Variants in RAD18 observed in about 807,000 individuals in gnomAD.
RAD18 encodes the protein RAD18 E3 ubiquitin protein ligase, also known as E3 ubiquitin-protein ligase RAD18.
In RAD18, 47 loss-of-function variants were observed where a neutral mutation model predicts 60.4. The observed-to-expected ratio is 0.78, with a 90% CI of 0.62 to 0.99. The LOEUF (loss-of-function observed/expected upper bound fraction) is 0.99. RAD18 is among the 50% of genes least tolerant of loss of function. RAD18 has a pLI of 0.00. For synonymous variants in RAD18, 225 were observed against 195.5 expected, an observed-to-expected ratio of 1.15 and a Z score of -1.26; for missense variants, 640 against 593.3, an observed-to-expected ratio of 1.08 and a Z score of -0.82.
At chr3:8,894,225 A>C (rs1464703734) in intron 11 of RAD18, among the ~76,000 whole-genome samples, 1 of 152,234 alleles carries the variant, frequency 6.6e-6, no homozygotes, top group Admixed American at 6.5e-5. Flanking sequence ...TCGCACAAAC[A>C]TCAACACAGT....
intron 11 of RAD18, among the ~76,000 whole-genome samples, chr3:8,891,369 C>T (rs1226540378): frequency 1.3e-5 from 2 of 152,010 alleles, no homozygotes; most frequent in African/African-American, 4.8e-5. Context: ...CTCTACTATT[C>T]TAGCTAAGAA....
intron 4 of RAD18, among the ~76,000 whole-genome samples, chr3:8,942,868 G>C (rs1291862980): frequency 1.3e-5 from 2 of 152,156 alleles, no homozygotes; most frequent in African/African-American, 4.8e-5. Flanking sequence ...CTAGGAAGCT[G>C]ATACTGGTAA....
At chr3:8,905,482 G>A (rs1437069788) in intron 9 of RAD18, among the ~76,000 whole-genome samples, 1 of 152,166 alleles carries the variant, frequency 6.6e-6, no homozygotes, top group Non-Finnish European at 1.5e-5. Context: ...CTTCTACAGT[G>A]ATGCCACTGA....
chr3:8,946,850 A>G (rs145618692), intron 4 of RAD18: 61 of 176,250 alleles, frequency 3.5e-4, no homozygotes, highest in African/African-American at 1.4e-3. Flanking sequence ...CCCAGTAGCA[A>G]CAAGCATACC....
At chr3:8,905,879 A>C (rs1157010437) in intron 9 of RAD18, among the ~76,000 whole-genome samples, 1 of 152,224 alleles carries the variant, frequency 6.6e-6, no homozygotes, top group Non-Finnish European at 1.5e-5. Context: ...AAAATATAGA[A>C]TCATTCTAAC....
At position 8,907,404 on chromosome 3, in the gene RAD18, C is replaced by T. The variant is rs372082728; in HGVS notation, c.1028-4884G>A. ...CAGATATGACCCACATAAACAAAGG[C>T]TCTTTGGTGTCCTTGAGATACAGAA... is the stretch of plus-strand genomic sequence containing the variant. On this transcript the variant is annotated intron_variant, in intron 9 of 12. Transcript: ENST00000264926. Among the ~76,000 whole-genome samples, 26 of 152,268 alleles carry T rather than the reference C, an allele frequency of 1.7e-4. No individual in the cohort carries two copies. In the East Asian group the frequency reaches 3.3e-3, roughly 19 times the overall value.
intron 10 of RAD18, among the ~76,000 whole-genome samples, chr3:8,899,404 C>T (rs1939859873): frequency 6.6e-6 from 1 of 151,790 alleles, no homozygotes; most frequent in South Asian, 2.1e-4. Flanking sequence ...GAAGTATAAC[C>T]AAAAAAAGAC....
intron 11 of RAD18, among the ~76,000 whole-genome samples, chr3:8,892,224 T>C (rs1178213309): frequency 6.6e-6 from 1 of 152,166 alleles, no homozygotes; most frequent in African/African-American, 2.4e-5. Context: ...CTTTTTCAGC[T>C]TGTCTACTAT....
chr3:8,888,047 T>C (rs978361920), intron 12 of RAD18, among the ~76,000 whole-genome samples: 5 of 152,310 alleles, frequency 3.3e-5, no homozygotes, highest in East Asian at 1.9e-4. Context: ...ACTGAAATTA[T>C]TCAAACTAGC....
chr3:8,880,867 G>A lies in RAD18; in HGVS notation c.*490C>T, dbSNP rs1020865932. The A allele has an allele frequency of 6.5e-6, 1 of 153,360 alleles. No homozygotes were observed. Among genetic ancestry groups the A allele is most frequent in the African/African-American group, 2.4e-5 (1 of 41,446 alleles). The allele number at this position is 153,360 out of a possible 1,614,324, so 9.5% of individuals were successfully genotyped here. On this transcript the variant is annotated 3_prime_UTR_variant, in exon 13 of 13. Coordinates refer to ENST00000264926, the MANE Select transcript of RAD18 (RefSeq NM_020165.4). ...CTGCTGTAACACAGGCATGGTGGTG[G>A]CGTGCATCGGTACTTACACACACCA...
intron 2 of RAD18, among the ~76,000 whole-genome samples, chr3:8,955,962 T>G (rs1313704378): frequency 6.6e-6 from 1 of 152,174 alleles, no homozygotes; most frequent in Non-Finnish European, 1.5e-5. Context: ...TATACATACT[T>G]ACCTATGATA....
At position 8,877,591 on chromosome 3, in the gene RAD18, C is replaced by T. The variant is rs1339121394; in HGVS notation, c.*3766G>A. ...TATGGCAAGAGTTTATAGGCAAAAACAAAATCCGTCCATTGCATGTTTGAT... is the reference window on the plus strand; with the variant it reads ...TATGGCAAGAGTTTATAGGCAAAAATAAAATCCGTCCATTGCATGTTTGAT... On this transcript the variant is annotated 3_prime_UTR_variant, in exon 13 of 13. Transcript: ENST00000264926. 6.6e-6 allele frequency: 1 copy of T among 152,200 alleles called. No individual in the cohort carries two copies. Among genetic ancestry groups the T allele is most frequent in the African/African-American group, 2.4e-5 (1 of 41,460 alleles). 9.4% of individuals were successfully genotyped at this position (152,200 alleles called of 1,614,324 possible). A position where few individuals can be genotyped will look rare whatever the true frequency, so the allele number is the denominator to read the frequency against.
intron 7 of RAD18, among the ~76,000 whole-genome samples, chr3:8,920,385 C>G (rs748048088): frequency 2.0e-5 from 3 of 151,854 alleles, no homozygotes; most frequent in Non-Finnish European, 2.9e-5. Context: ...GAAACCAATG[C>G]TAAAGTTGAA....
intron 12 of RAD18, among the ~76,000 whole-genome samples, chr3:8,887,174 A>T (rs150012843): frequency 3.9e-5 from 6 of 152,190 alleles, no homozygotes; most frequent in Admixed American, 3.9e-4. Context: ...TCCTAAATCT[A>T]CTGAATCAGA....
intron 2 of RAD18, among the ~76,000 whole-genome samples, chr3:8,955,409 TA>T (rs909160726): frequency 3.4e-4 from 51 of 151,848 alleles, no homozygotes; most frequent in Non-Finnish European, 4.3e-4. Context: ...CTGCTAAGAA[TA>T]AAAAAAAGCT....
chr3:8,948,484 T>C (rs777214648), intron 3 of RAD18, 25 bp downstream of exon 3: 64 of 1,592,240 alleles, frequency 4.0e-5, no homozygotes, highest in Non-Finnish European at 5.3e-5. Flanking sequence ...TCAGTAAGTT[T>C]TAAAAAAAGG....
chr3:8,892,191 G>A (rs1040139769), intron 11 of RAD18, among the ~76,000 whole-genome samples: 3 of 152,170 alleles, frequency 2.0e-5, no homozygotes, highest in African/African-American at 4.8e-5. Flanking sequence ...CACAACTGCA[G>A]CTTTAAAGTC....
Position 8,930,186 on chromosome 3 carries a change from G to A in RAD18, c.889+5685C>T, listed in dbSNP as rs531408835. 2.6e-5 allele frequency among the ~76,000 whole-genome samples: 4 copies of A among 152,224 alleles called. No homozygotes were observed. In the East Asian group the frequency reaches 5.8e-4, roughly 22 times the overall value. ...GGAAAAATGTCAGATTTGAACTAAT[G>A]AACAGACACAAAGATGTGACATATT... On this transcript the variant is annotated intron_variant, in intron 7 of 12. Coordinates refer to ENST00000264926, the MANE Select transcript of RAD18 (RefSeq NM_020165.4).
intron 4 of RAD18, 22 bp downstream of exon 4, chr3:8,947,198 T>C (rs1182726317): frequency 9.7e-6 from 15 of 1,553,678 alleles, no homozygotes; most frequent in Non-Finnish European, 1.3e-5. Context: ...AGTTAGAGGT[T>C]AGTCACAAAA....
Sources: gnomAD v4.1 joint callset for allele counts (sites outside exome capture counted in the v4.1 genomes callset) on GRCh38, gnomAD v4.1.1 for gene constraint, MANE v1.5 for transcripts, NCBI Gene and HGNC (gene_info 2026-07-23, HGNC 2026-07-21) for gene names.